The following OXR1 variants were observed in gnomAD, a reference collection of about 807,000 sequenced individuals.
OXR1 encodes oxidation resistance protein 1.
A neutral mutation model predicts 104.6 loss-of-function variants in OXR1; 41 were observed. The ratio of observed to expected loss-of-function variants is 0.39; its 90% CI spans 0.31 to 0.51. The LOEUF is 0.51. Among genes scored for constraint, OXR1 ranks in the 20% least tolerant of loss-of-function variants. The pLI is 0.77. For synonymous variants in OXR1, 348 were observed against 348.4 expected (o/e 1.00, Z 0.01); for missense variants, 955 against 1,031.9 (o/e 0.93, Z 1.02).
rs1824232371 is a variant in OXR1 at position 106,648,056 on chromosome 8, T to A, written c.221-31154T>A. 3.9e-5 allele frequency among the ~76,000 whole-genome samples: 6 copies of A among 152,234 alleles called. No individual in the cohort carries two copies. In the South Asian group the frequency reaches 1.2e-3, roughly 31 times the overall value. On this transcript the variant is annotated intron_variant, in intron 3 of 16. Transcript: ENST00000517566. Reference sequence around the variant, plus strand: ...TCTTTTATTTCCTAAAATTCAATAATTTTATCTGTGTTAAAAAGTATTTTA... The same window carrying A: ...TCTTTTATTTCCTAAAATTCAATAAATTTATCTGTGTTAAAAAGTATTTTA...
chr8:106,314,119 T>G (rs2130144956), intron 1 of OXR1, among the ~76,000 whole-genome samples: 1 of 152,292 alleles, frequency 6.6e-6, no homozygotes, highest in Admixed American at 6.5e-5. Flanking sequence ...AGAGAGCACA[T>G]ACGCAGCCTG....
chr8:106,577,917 C>T (rs1457831145), intron 3 of OXR1, among the ~76,000 whole-genome samples: 1 of 152,156 alleles, frequency 6.6e-6, no homozygotes, highest in East Asian at 1.9e-4. Context: ...ATTCCAGCAG[C>T]AACTACTGAA....
intron 1 of OXR1, among the ~76,000 whole-genome samples, chr8:106,292,016 A>G: frequency 6.6e-6 from 1 of 152,194 alleles, no homozygotes. Flanking sequence ...ATGGGGACAC[A>G]GCCAAACCAT....
intron 1 of OXR1, among the ~76,000 whole-genome samples, chr8:106,340,380 CCT>C (rs1406370272): frequency 2.0e-5 from 3 of 151,930 alleles, no homozygotes; most frequent in Non-Finnish European, 4.4e-5. Context: ...TGCTGAATAC[CCT>C]GTCATGTTTT....
At chr8:106,398,139 G>C (rs1817855345) in intron 2 of OXR1, among the ~76,000 whole-genome samples, 1 of 151,974 alleles carries the variant, frequency 6.6e-6, no homozygotes, top group African/African-American at 2.4e-5. Context: ...TTTTAACTTG[G>C]TTCCCTCTGT....
At chr8:106,538,490 TAGGCTTAACTC>T (rs1814716492) in intron 3 of OXR1, among the ~76,000 whole-genome samples, 1 of 152,198 alleles carries the variant, frequency 6.6e-6, no homozygotes, top group Non-Finnish European at 1.5e-5. Flanking sequence ...GTTCCAAATC[TAGGCTTAACTC>T]ATTTTCCAAA....
chr8:106,414,334 A>T (rs967995604), intron 2 of OXR1, among the ~76,000 whole-genome samples: 1 of 152,078 alleles, frequency 6.6e-6, no homozygotes, highest in African/African-American at 2.4e-5. Context: ...ATCCTGTGTA[A>T]TTCCGAGAGG....
rs149286168 is a variant in OXR1, at chr8:106,406,568, G to A, written c.23+46932G>A. On this transcript the variant is annotated intron_variant, in intron 2 of 16. Coordinates refer to ENST00000517566, the MANE Select transcript of OXR1 (RefSeq NM_001198533.2). Reference sequence around the variant, plus strand: ...ACAGTTATTAAGAAATCTTAAATGCGTATTACTAAATGAAAGAAGCTAATC... The same window carrying A: ...ACAGTTATTAAGAAATCTTAAATGCATATTACTAAATGAAAGAAGCTAATC... Among the ~76,000 whole-genome samples the A allele has an allele frequency of 8.6e-3, 1,304 of 152,154 alleles. 11 individuals are homozygous for A. The highest frequency in any genetic ancestry group is 0.013 in the Non-Finnish European group (874 of 68,000).
At chr8:106,512,148 T>G (rs74950956) in intron 2 of OXR1, among the ~76,000 whole-genome samples, 2,951 of 152,286 alleles carry the variant, frequency 0.019, 87 homozygotes, top group African/African-American at 0.066. Context: ...ATTTTACAGA[T>G]GAGAAAATGG....
At chr8:106,530,710 ATATAT>A (rs948566882) in intron 3 of OXR1, among the ~76,000 whole-genome samples, 1 of 152,204 alleles carries the variant, frequency 6.6e-6, no homozygotes, top group Non-Finnish European at 1.5e-5. Context: ...TACATTCCCT[ATATAT>A]TATGTGTACA....
At chr8:106,650,520 T>C (rs1824476654) in intron 3 of OXR1, among the ~76,000 whole-genome samples, 1 of 152,176 alleles carries the variant, frequency 6.6e-6, no homozygotes, top group Non-Finnish European at 1.5e-5. Flanking sequence ...TGAATGACAG[T>C]CAGATTGGCA....
Position 106,516,119 on chromosome 8 carries a change from C to T in OXR1, c.24-2824C>T, listed in dbSNP as rs191360666. Among the ~76,000 whole-genome samples the T allele has an allele frequency of 5.3e-5, 8 of 152,186 alleles. No homozygotes were observed. The East Asian group carries it at 1.5e-3, about 29-fold the overall frequency. The stretch of plus-strand genomic sequence containing the variant: ...TGTTCCAGCCATTGTGCCCTCCCTG[C>T]TCCACTAACATCACATACAAGTCTA... On this transcript the variant is annotated intron_variant, in intron 2 of 16. Coordinates refer to ENST00000517566, the MANE Select transcript of OXR1 (RefSeq NM_001198533.2).
At chr8:106,353,489 T>A (rs2130314721) in intron 1 of OXR1, among the ~76,000 whole-genome samples, 1 of 152,156 alleles carries the variant, frequency 6.6e-6, no homozygotes, top group South Asian at 2.1e-4. Context: ...CAAAAATTCA[T>A]AATTCAAGTG....
chr8:106,580,031 T>G (rs528615953), intron 3 of OXR1, among the ~76,000 whole-genome samples: 1 of 152,346 alleles, frequency 6.6e-6, no homozygotes, highest in African/African-American at 2.4e-5. Flanking sequence ...CTGTGTATGA[T>G]TGACTGGCAG....
At chr8:106,288,283 A>C (rs1321513607) in intron 1 of OXR1, among the ~76,000 whole-genome samples, 1 of 152,166 alleles carries the variant, frequency 6.6e-6, no homozygotes, top group Admixed American at 6.5e-5. Context: ...TGAACACTGC[A>C]TGTGGAACAT....
chr8:106,308,042 A>C (rs932051195), intron 1 of OXR1, among the ~76,000 whole-genome samples: 3 of 151,980 alleles, frequency 2.0e-5, no homozygotes, highest in Admixed American at 6.6e-5. Flanking sequence ...ACACACAGAA[A>C]TTTATTAAAA....
intron 3 of OXR1, among the ~76,000 whole-genome samples, chr8:106,566,311 G>C (rs1229119716): frequency 1.3e-5 from 2 of 152,042 alleles, no homozygotes; most frequent in African/African-American, 4.8e-5. Flanking sequence ...GTGGGTGAAG[G>C]ATATGAACAG....
intron 2 of OXR1, among the ~76,000 whole-genome samples, chr8:106,390,183 T>C (rs1160956174): frequency 6.6e-6 from 1 of 152,226 alleles, no homozygotes; most frequent in African/African-American, 2.4e-5. Context: ...ATAAGTAATA[T>C]ACATTCATGT....
intron 1 of OXR1, among the ~76,000 whole-genome samples, chr8:106,345,841 G>T (rs2130287811): frequency 6.6e-6 from 1 of 152,246 alleles, no homozygotes; most frequent in Middle Eastern, 3.4e-3. Flanking sequence ...GTATGTTTGA[G>T]AAGCTAGAGA....
Sources: allele counts gnomAD v4.1 joint callset (sites outside exome capture counted in the v4.1 genomes callset), GRCh38; gene constraint gnomAD v4.1.1; transcripts MANE v1.5; gene names NCBI Gene and HGNC (gene_info 2026-07-23, HGNC 2026-07-21).